Variants in VPS13B observed in about 807,000 individuals in gnomAD.
VPS13B encodes vacuolar protein sorting 13 homolog B.
A neutral mutation model predicts 426.4 loss-of-function variants in VPS13B; 285 were observed. The observed-to-expected ratio is 0.67, with a 90% CI of 0.61 to 0.74. The LOEUF is 0.74. VPS13B is among the 30% of genes least tolerant of loss of function. VPS13B has a pLI of 0.00. For missense variants in VPS13B, 4,537 were observed against 4,782.6 expected (o/e 0.95, Z 1.51); for synonymous variants, 1,676 against 1,676.4 (o/e 1.00, Z 0.01).
chr8:99,194,737 T>G (rs1813809742), intron 17 of VPS13B, among the ~76,000 whole-genome samples: 1 of 152,248 alleles, frequency 6.6e-6, no homozygotes, highest in African/African-American at 2.4e-5. Context: ...CAGATATCTC[T>G]CTAACATGAT....
rs1304566009 is a variant in VPS13B at position 99,356,287 on chromosome 8, T to A, written c.2825-27921T>A. On this transcript the variant is annotated intron_variant, in intron 19 of 61. Transcript: ENST00000357162. ...AAATGGTGTATTTAGGAGTTTTTCA[T>A]AAAGCACTAAATAAATTATTTTACA... is the stretch of plus-strand genomic sequence containing the variant. 3.9e-5 allele frequency among the ~76,000 whole-genome samples: 6 copies of A among 152,308 alleles called. No individual in the cohort carries two copies. In the East Asian group the frequency reaches 1.2e-3, roughly 29 times the overall value.
chr8:99,598,629 T>A (rs370009544), intron 33 of VPS13B, among the ~76,000 whole-genome samples: 2 of 152,004 alleles, frequency 1.3e-5, no homozygotes, highest in Non-Finnish European at 2.9e-5. Flanking sequence ...AACCACATCA[T>A]TGGAGATCTG....
intron 13 of VPS13B, among the ~76,000 whole-genome samples, chr8:99,145,948 A>G (rs1292783173): frequency 6.6e-6 from 1 of 152,194 alleles, no homozygotes; most frequent in Admixed American, 6.5e-5. Flanking sequence ...GCTTCTTTAC[A>G]TCTTCCCAGC....
Position 99,384,278 on chromosome 8 carries a change from C to T in VPS13B, c.2895C>T (p.Ile965=), listed in dbSNP as rs757940601. ...NIDPILYTWL[I]YQPQKRTSRH... is the part of the protein sequence containing the mutation. ...ACCCAATCTTATATACGTGGCTCAT[C>T]TATCAGCCTCAGAAACGAACAAGTA... Residue 965 remains isoleucine (I), a synonymous_variant, in exon 20 of 62, where the codon ATC becomes ATT. Coordinates refer to ENST00000357162, the MANE Select transcript of VPS13B (RefSeq NM_152564.5). 6.2e-7 allele frequency: 1 copy of T among 1,613,916 alleles called. No homozygotes were observed. Among genetic ancestry groups the T allele is most frequent in the Non-Finnish European group, 8.5e-7 (1 of 1,179,910 alleles).
chr8:99,619,888 T>TAAG (rs968213577), intron 33 of VPS13B, among the ~76,000 whole-genome samples: 4 of 98,666 alleles, frequency 4.1e-5, no homozygotes, highest in African/African-American at 1.4e-4. Context: ...ATGATGATGA[T>TAAG]AATAATAATA....
chr8:99,689,387 C>T (rs1563864189), intron 35 of VPS13B, among the ~76,000 whole-genome samples: 1 of 152,082 alleles, frequency 6.6e-6, no homozygotes, highest in Admixed American at 6.6e-5. Flanking sequence ...TAGGTAACTA[C>T]AAAAATAATA....
At chr8:99,670,633 C>T (rs1042730066) in intron 35 of VPS13B, among the ~76,000 whole-genome samples, 1 of 152,066 alleles carries the variant, frequency 6.6e-6, no homozygotes, top group Non-Finnish European at 1.5e-5. Flanking sequence ...ACCAACCTCT[C>T]CATATTGTCC....
chr8:99,045,777 T>C (rs1174418090), intron 3 of VPS13B, among the ~76,000 whole-genome samples: 1 of 152,180 alleles, frequency 6.6e-6, no homozygotes, highest in African/African-American at 2.4e-5. Context: ...TTGCCAATTA[T>C]CCCAGCACCA....
At chr8:99,651,107 CCT>C (rs960848564) in intron 34 of VPS13B, among the ~76,000 whole-genome samples, 3 of 151,928 alleles carry the variant, frequency 2.0e-5, no homozygotes, top group Non-Finnish European at 4.4e-5. Context: ...GAACCAGTCC[CCT>C]GTGAACAACA....
At position 99,871,674 on chromosome 8, in the gene VPS13B, C is replaced by T. The variant is rs967218114; in HGVS notation, c.11722C>T (p.Pro3908Ser). 6.2e-7 allele frequency: 1 copy of T among 1,613,966 alleles called. No individual in the cohort carries two copies. Residue 3908 changes from proline to serine, a missense_variant, in exon 61 of 62, where the codon CCA (proline) becomes TCA (serine). Pro to Ser is a moderately conservative substitution (Grantham distance 74, BLOSUM62 -1). Around this residue, in one of 2 missense-constraint regions of VPS13B, gnomAD observed 4,311 missense variants for 4,474.3 expected, o/e 0.96. Coordinates refer to ENST00000357162, the MANE Select transcript of VPS13B (RefSeq NM_152564.5). ...CTTACTCACAGTGCAGCTCAAGCAG[C>T]CAAGAGTGGCCTGTGATGTGGAGGT... ...NNLLTVQLKQ[P>S]RVACDVEVDG...
rs2130975250 is a variant in VPS13B at position 99,871,466 on chromosome 8, G to T, written c.11514G>T (p.Leu3838=). The stretch of plus-strand genomic sequence containing the variant: ...TAAACAGGAAAATGCTTCAGTCTCT[G>T]GGCAGACCAGAAGTCCACATGGCCC... ...VKYVWKMLQS[L]GRPEVHMALD... Residue 3838 remains leucine (L), a synonymous_variant, in exon 61 of 62, where the codon CTG becomes CTT. Coordinates refer to ENST00000357162, the MANE Select transcript of VPS13B (RefSeq NM_152564.5). 6 of 1,614,164 alleles carry T rather than the reference G, an allele frequency of 3.7e-6. No individual in the cohort carries two copies. The South Asian group carries it at 5.5e-5, about 15-fold the overall frequency.
chr8:99,401,100 G>A (rs1563709439), intron 21 of VPS13B, among the ~76,000 whole-genome samples: 1 of 152,104 alleles, frequency 6.6e-6, no homozygotes, highest in Non-Finnish European at 1.5e-5. Context: ...GCCTCACTGA[G>A]ATACATCATA....
intron 19 of VPS13B, among the ~76,000 whole-genome samples, chr8:99,309,757 A>G (rs1016836621): frequency 2.6e-5 from 4 of 152,194 alleles, no homozygotes; most frequent in African/African-American, 9.6e-5. Context: ...CATTGAATCT[A>G]TAAATTACCG....
chr8:99,021,914 T>A (rs1420977255), intron 2 of VPS13B, among the ~76,000 whole-genome samples: 1 of 152,186 alleles, frequency 6.6e-6, no homozygotes, highest in Admixed American at 6.5e-5. Flanking sequence ...ATGCCCAGGC[T>A]GGTGTTTATT....
intron 16 of VPS13B, among the ~76,000 whole-genome samples, chr8:99,184,899 G>A (rs190092826): frequency 6.6e-6 from 1 of 152,200 alleles, no homozygotes; most frequent in Non-Finnish European, 1.5e-5. Context: ...GCTGAGGCAC[G>A]AGAGTCTCTT....
At chr8:99,591,589 T>C (rs1395294233) in intron 33 of VPS13B, among the ~76,000 whole-genome samples, 3 of 152,070 alleles carry the variant, frequency 2.0e-5, no homozygotes, top group Non-Finnish European at 4.4e-5. Flanking sequence ...TGTAAAGGAT[T>C]TTATTTCTCC....
intron 19 of VPS13B, among the ~76,000 whole-genome samples, chr8:99,323,876 G>A (rs927720624): frequency 1.3e-5 from 2 of 152,194 alleles, no homozygotes; most frequent in Admixed American, 1.3e-4. Flanking sequence ...TATCTTGGAA[G>A]CAAGTCCTTG....
Position 99,178,066 on chromosome 8 carries a change from T to C in VPS13B, c.2333+7903T>C, listed in dbSNP as rs556517846. On this transcript the variant is annotated intron_variant, in intron 16 of 61. Transcript: ENST00000357162. ...AGCGAAATGGCTTGGTTAGTAATTA[T>C]TAAATTTAGCCTAGGTTTTCTTTTT... 1.1e-4 allele frequency among the ~76,000 whole-genome samples: 16 copies of C among 152,286 alleles called. No homozygotes were observed. The East Asian group carries it at 3.1e-3, about 29-fold the overall frequency.
intron 39 of VPS13B, among the ~76,000 whole-genome samples, chr8:99,738,935 G>A (rs1833948346): frequency 6.6e-6 from 1 of 152,198 alleles, no homozygotes; most frequent in East Asian, 1.9e-4. Flanking sequence ...TTCCAACTGA[G>A]GTACCAGGTT....
Sources: allele counts gnomAD v4.1 joint callset (sites outside exome capture counted in the v4.1 genomes callset), GRCh38; gene constraint gnomAD v4.1.1; regional missense constraint gnomAD v4.1.1; transcripts MANE v1.5; gene names NCBI Gene and HGNC (gene_info 2026-07-23, HGNC 2026-07-21).